USP19: variants seen among roughly 807,000 people sequenced by gnomAD.
USP19 encodes ubiquitin specific peptidase 19, also known as ubiquitin carboxyl-terminal hydrolase 19.
USP19 carries 40 observed loss-of-function variants against 144.8 expected under a neutral mutation model. The observed-to-expected ratio is 0.28, with a 90% confidence interval of 0.21 to 0.36. The LOEUF is 0.36. Ranked by LOEUF, USP19 falls within the 10% of genes least tolerant of loss-of-function variation. The probability of loss-of-function intolerance (pLI) is 1.00; values close to 1 mark genes in which losing one functional copy is unlikely to be tolerated. For synonymous variants in USP19, 701 were observed against 709.3 expected (o/e 0.99, Z 0.19); for missense variants, 1,518 against 1,822.5 (o/e 0.83, Z 3.04).
intron 2 of USP19, 43 bp downstream of exon 2, chr3:49,118,979 G>T: frequency 6.2e-7 from 1 of 1,612,988 alleles, no homozygotes; most frequent in Non-Finnish European, 8.5e-7. Context: ...AATAAGATGG[G>T]AGGCAGAGAA....
Position 49,114,396 on chromosome 3 carries a change from A to T in USP19, c.2293-112T>A, listed in dbSNP as rs1180129375. ...GATGGCTCTCAGGGCCCCCACAGCC[A>T]ACCAGCAAACTCTCAGGCTTCAGGA... On this transcript the variant is annotated intron_variant, in intron 15 of 26. Coordinates refer to ENST00000417901, the MANE Select transcript of USP19 (RefSeq NM_001199161.2). This position sits in a 1 kb window ranked among gnomAD's most constrained non-coding sequence, Gnocchi z 4.5. 2.1e-6 allele frequency: 2 copies of T among 940,678 alleles called. No individual in the cohort carries two copies. Among genetic ancestry groups the T allele is most frequent in the Non-Finnish European group, 3.2e-6 (2 of 617,050 alleles). 58.3% of individuals were successfully genotyped at this position (940,678 alleles called of 1,614,324 possible).
Position 49,111,993 on chromosome 3 carries a change from T to C in USP19, c.2821A>G (p.Ile941Val), listed in dbSNP as rs1560001572. The part of the protein sequence containing the change: ...DHKGLCRPEN[I>V]GYPFLVSVPA... ...ACACTGACCAGGAAGGGGTAGCCAATGTTCTCAGGTCGGCAGAGGCCCTTG... is the reference window on the plus strand; with the variant it reads ...ACACTGACCAGGAAGGGGTAGCCAACGTTCTCAGGTCGGCAGAGGCCCTTG... The change falls in exon 20 of 27, where the codon ATT (isoleucine) becomes GTT (valine). Residue 941 changes from isoleucine to valine, a missense_variant. Transcript: ENST00000417901. The surrounding 1 kb of genome is among the most constrained non-coding windows in gnomAD (Gnocchi z 5.9). 1 of 1,614,082 alleles carries C rather than the reference T, an allele frequency of 6.2e-7. No individual in the cohort carries two copies. The highest frequency in any genetic ancestry group is 8.5e-7 in the Non-Finnish European group (1 of 1,180,026).
chr3:49,108,953 CGA>C lies in USP19; in HGVS notation c.4039-427_4039-426del. ...CCAGCTCACAGCAGCTGCCTGCAGG[CGA>C]GCTCATCTCCAGCGACTCTGGGATA... On this transcript the variant is annotated intron_variant, in intron 26 of 26. Transcript: ENST00000417901. The surrounding 1 kb of genome is among the most constrained non-coding windows in gnomAD (Gnocchi z 4.8). The C allele has an allele frequency of 6.2e-7, 1 of 1,604,852 alleles. No individual in the cohort carries two copies. The highest frequency in any genetic ancestry group is 1.1e-5 in the South Asian group (1 of 89,898).
chr3:49,112,592 G>T lies in USP19; in HGVS notation c.2543C>A (p.Ser848Tyr), dbSNP rs757797767. 1.2e-6 allele frequency: 2 copies of T among 1,614,066 alleles called. No homozygotes were observed. The highest frequency in any genetic ancestry group is 3.3e-5 in the Admixed American group (2 of 60,014). Residue 848 changes from serine to tyrosine, a missense_variant, in exon 18 of 27, where the codon TCC becomes TAC. Ser to Tyr is a moderately radical substitution (Grantham distance 144). Coordinates refer to ENST00000417901, the MANE Select transcript of USP19 (RefSeq NM_001199161.2). This position sits in a 1 kb window ranked among gnomAD's most constrained non-coding sequence, Gnocchi z 4.9. ...KNRFHRVFLP[S>Y]HSLDTVSPSD... ...TGGGGACACAGTGTCCAGTGAGTGG[G>T]AGGGTAGGAACACACGATGAAAACG...
Position 49,111,553 on chromosome 3 carries a change from C to T in USP19, c.3164G>A (p.Gly1055Glu). 6.2e-7 allele frequency: 1 copy of T among 1,612,810 alleles called. No individual in the cohort carries two copies. Residue 1055 changes from glycine to glutamate, a missense_variant, in exon 21 of 27, where the codon GGG (glycine) becomes GAG (glutamate). Gly to Glu is a moderately conservative substitution (Grantham distance 98, BLOSUM62 -2). Transcript: ENST00000417901. The surrounding 1 kb of genome is among the most constrained non-coding windows in gnomAD (Gnocchi z 5.9). ...SGISSEMLAS[G>E]PIEVGSLPAG... ...TGGCAAGGAGCCAACCTCAATGGGC[C>T]CACTGGCCAGCATCTCAGAAGAAAT...
At position 49,111,523 on chromosome 3, in the gene USP19, C is replaced by T. The variant is rs1402265762; in HGVS notation, c.3194G>A (p.Gly1065Asp). ...GPIEVGSLPAGERVSRPEAAV... is the reference protein window; with the variant it reads ...GPIEVGSLPADERVSRPEAAV... ...ACCTTCGGGTCGGGACACCCTCTCG[C>T]CAGCTGGCAAGGAGCCAACCTCAAT... Residue 1065 changes from glycine (G) to aspartate (D), a missense_variant, in exon 21 of 27, where the codon GGC becomes GAC. By Grantham distance (94) the Gly-to-Asp change is moderately conservative. This residue lies in a region of USP19 where 413 missense variants were observed against 515.8 expected (regional missense o/e 0.80). Transcript: ENST00000417901. The surrounding 1 kb of genome is among the most constrained non-coding windows in gnomAD (Gnocchi z 5.9). The T allele has an allele frequency of 4.3e-6, 7 of 1,611,898 alleles. No individual in the cohort carries two copies. Among genetic ancestry groups the T allele is most frequent in the Non-Finnish European group, 5.9e-6 (7 of 1,179,976 alleles).
Position 49,111,068 on chromosome 3 carries a change from G to A in USP19, c.3427C>T (p.Leu1143=), listed in dbSNP as rs767832648. Residue 1143 remains leucine, a synonymous_variant, in exon 23 of 27, where the codon CTG becomes TTG. Transcript: ENST00000417901. This position sits in a 1 kb window ranked among gnomAD's most constrained non-coding sequence, Gnocchi z 5.9. ...GAGCCTGGATCCTCAGCACATTCCA[G>A]CTCCTTGGAGGCTACCAACACAAAC... is the stretch of plus-strand genomic sequence containing the variant. The part of the protein sequence containing the change: ...QEFVLVASKE[L]ECAEDPGSAG... 1.2e-6 allele frequency: 2 copies of A among 1,613,900 alleles called. No individual in the cohort carries two copies. The highest frequency in any genetic ancestry group is 1.7e-6 in the Non-Finnish European group (2 of 1,180,040).
chr3:49,110,535 A>G lies in USP19; in HGVS notation c.3768T>C (p.Ala1256=). 6.2e-7 allele frequency: 1 copy of G among 1,614,148 alleles called. No individual in the cohort carries two copies. The highest frequency in any genetic ancestry group is 2.2e-5 in the East Asian group (1 of 44,882). The change falls in exon 25 of 27, where the codon GCT becomes GCC. Residue 1256 remains alanine (A), a synonymous_variant. Transcript: ENST00000417901. This position sits in a 1 kb window ranked among gnomAD's most constrained non-coding sequence, Gnocchi z 6.1. The stretch of plus-strand genomic sequence containing the variant: ...TCATGCCTCCATAGTGGTTGATGAC[A>G]GCATATAGATCGTAGCTGGGCAGCT... ...EEQLPSYDLY[A]VINHYGGMIG...
In USP19 at chr3:49,110,452, C is replaced by G. The variant is rs2042979926; in HGVS notation, c.3851G>C (p.Ser1284Thr). 4.3e-6 allele frequency: 7 copies of G among 1,613,960 alleles called. No homozygotes were observed. The highest frequency in any genetic ancestry group is 5.9e-6 in the Non-Finnish European group (7 of 1,179,994). ...GCTGTGTGTGCCCTCACCCACGTCA[C>G]TGCGCTGACTGCTACGATCATTGGG... is the stretch of plus-strand genomic sequence containing the variant. ...RLPNDRSSQRSDVGWRLFDDS... is the reference protein window; with the variant it reads ...RLPNDRSSQRTDVGWRLFDDS... Residue 1284 changes from serine to threonine, a missense_variant, in exon 25 of 27, where the codon AGT becomes ACT. This residue lies in a region of USP19 where 122 missense variants were observed against 200.4 expected (regional missense o/e 0.61). Coordinates refer to ENST00000417901, the MANE Select transcript of USP19 (RefSeq NM_001199161.2). This position sits in a 1 kb window ranked among gnomAD's most constrained non-coding sequence, Gnocchi z 6.1.
In USP19 at chr3:49,116,473, A is replaced by C. The variant is rs2044152672; in HGVS notation, c.1261T>G (p.Phe421Val). 6.2e-7 allele frequency: 1 copy of C among 1,614,104 alleles called. No individual in the cohort carries two copies. Among genetic ancestry groups the C allele is most frequent in the African/African-American group, 1.3e-5 (1 of 74,930 alleles). The change falls in exon 8 of 27, where the codon TTC (phenylalanine) becomes GTC (valine). Residue 421 changes from phenylalanine to valine, a missense_variant. Physicochemically the swap from Phe to Val is conservative, Grantham distance 50. Around this residue, in one of 5 missense-constraint regions of USP19, gnomAD observed 707 missense variants for 728.9 expected, o/e 0.97. Transcript: ENST00000417901. This position sits in a 1 kb window ranked among gnomAD's most constrained non-coding sequence, Gnocchi z 5.0. ...TSRVLFREQDFTLIFQTRDGN... is the reference protein window; with the variant it reads ...TSRVLFREQDVTLIFQTRDGN... Reference sequence around the variant, plus strand: ...CACCTGGTCTGGAAGATGAGCGTGAAGTCCTGCTCACGGAAAAGTACTCTT... The same window carrying C: ...CACCTGGTCTGGAAGATGAGCGTGACGTCCTGCTCACGGAAAAGTACTCTT...
At position 49,112,085 on chromosome 3, in the gene USP19, C is replaced by T. The variant is rs1162310575; in HGVS notation, c.2766-37G>A. The T allele has an allele frequency of 2.5e-6, 4 of 1,609,338 alleles. No individual in the cohort carries two copies. Among genetic ancestry groups the T allele is most frequent in the South Asian group, 1.1e-5 (1 of 90,462 alleles). On this transcript the variant is annotated intron_variant, in intron 19 of 26. Transcript: ENST00000417901. This position sits in a 1 kb window ranked among gnomAD's most constrained non-coding sequence, Gnocchi z 4.9. Reference sequence around the variant, plus strand: ...AGGAAGACAAGGATAGGCCCTTAGCCCCATCTCCTATGACTCCATACTGGG... The same window carrying T: ...AGGAAGACAAGGATAGGCCCTTAGCTCCATCTCCTATGACTCCATACTGGG...
rs748538179 is a variant in USP19 at position 49,111,026 on chromosome 3, G to C, written c.3469C>G (p.Arg1157Gly). The C allele has an allele frequency of 6.2e-7, 1 of 1,613,998 alleles. No homozygotes were observed. The highest frequency in any genetic ancestry group is 8.5e-7 in the Non-Finnish European group (1 of 1,180,016). ...TGGTCCAGGGTGAAGTGGCCGGCCC[G>C]GGCAGCCTCACCGGCAGAGCCTGGA... ...EDPGSAGEAARAGHFTLDQCL... is the reference protein window; with the variant it reads ...EDPGSAGEAAGAGHFTLDQCL... The change falls in exon 23 of 27, where the codon CGG becomes GGG. Residue 1157 changes from arginine (R) to glycine (G), a missense_variant. By Grantham distance (125) the Arg-to-Gly change is moderately radical. Transcript: ENST00000417901. The surrounding 1 kb of genome is among the most constrained non-coding windows in gnomAD (Gnocchi z 5.9).
chr3:49,115,058 C>T lies in USP19; in HGVS notation c.2082G>A (p.Glu694=), dbSNP rs1211133687. ...FTGYAQHDAQ[E]FMAFLLDGLH... ...GCCCATCCAGCAGGAAAGCCATGAA[C>T]TCCTGGGCATCATGCTGTGCATAGC... Residue 694 remains glutamate (E), a synonymous_variant, in exon 14 of 27, where the codon GAG becomes GAA. Coordinates refer to ENST00000417901, the MANE Select transcript of USP19 (RefSeq NM_001199161.2). This position sits in a 1 kb window ranked among gnomAD's most constrained non-coding sequence, Gnocchi z 6.6. 5.0e-6 allele frequency: 8 copies of T among 1,614,100 alleles called. No individual in the cohort carries two copies. The highest frequency in any genetic ancestry group is 1.3e-5 in the African/African-American group (1 of 74,936).
In USP19 at chr3:49,117,617, G is replaced by T; in HGVS notation, c.472+40C>A. ...TGAGGTAGGATAGGAGATATCAGAA[G>T]ATTCAAACATACTACTGTGCTCAGG... On this transcript the variant is annotated intron_variant, in intron 4 of 26. Coordinates refer to ENST00000417901, the MANE Select transcript of USP19 (RefSeq NM_001199161.2). The surrounding 1 kb of genome is among the most constrained non-coding windows in gnomAD (Gnocchi z 4.4). 6.2e-7 allele frequency: 1 copy of T among 1,614,082 alleles called. No homozygotes were observed. The highest frequency in any genetic ancestry group is 8.5e-7 in the Non-Finnish European group (1 of 1,179,958).
In USP19 at chr3:49,110,063, T is replaced by C. The variant is rs1430396842; in HGVS notation, c.4038+121A>G. 7.4e-6 allele frequency: 9 copies of C among 1,223,438 alleles called. No individual in the cohort carries two copies. Among genetic ancestry groups the C allele is most frequent in the Non-Finnish European group, 9.8e-6 (9 of 922,590 alleles). 75.8% of individuals were successfully genotyped at this position (1,223,438 alleles called of 1,614,324 possible). A position where few individuals can be genotyped will look rare whatever the true frequency, so the allele number is the denominator to read the frequency against. On this transcript the variant is annotated intron_variant, in intron 26 of 26. Transcript: ENST00000417901. This position sits in a 1 kb window ranked among gnomAD's most constrained non-coding sequence, Gnocchi z 6.1. The stretch of plus-strand genomic sequence containing the variant: ...CTTTGATGTTAAGAGAACTCTGCAA[T>C]TCTCATGAATCCCAAGGCTCAATGG...
Position 49,111,205 on chromosome 3 carries a change from G to C in USP19, c.3329-39C>G, listed in dbSNP as rs2043099598. ...GGGAGAGAGGTCATGCAGCTGTGGA[G>C]AACAGCCAGCTCAACCCACCCCATG... is the stretch of plus-strand genomic sequence containing the variant. On this transcript the variant is annotated intron_variant, in intron 22 of 26. Transcript: ENST00000417901. The surrounding 1 kb of genome is among the most constrained non-coding windows in gnomAD (Gnocchi z 5.9). 6 of 1,613,904 alleles carry C rather than the reference G, an allele frequency of 3.7e-6. No individual in the cohort carries two copies. Among genetic ancestry groups the C allele is most frequent in the African/African-American group, 1.3e-5 (1 of 74,906 alleles).
In USP19 at chr3:49,112,129, G is replaced by A. The variant is rs2043259106; in HGVS notation, c.2766-81C>T. The A allele has an allele frequency of 6.4e-7, 1 of 1,573,796 alleles. No homozygotes were observed. Among genetic ancestry groups the A allele is most frequent in the East Asian group, 2.3e-5 (1 of 44,006 alleles). On this transcript the variant is annotated intron_variant, in intron 19 of 26. Transcript: ENST00000417901. The surrounding 1 kb of genome is among the most constrained non-coding windows in gnomAD (Gnocchi z 4.9). ...TACTGGGGGCTAGTCATAGTCCCTG[G>A]GAACTGGGTACGCCAGCCCTGCCTC...
rs1306202203 is a variant in USP19, at chr3:49,114,302, G to A, written c.2293-18C>T. On this transcript the variant is annotated intron_variant, in intron 15 of 26. Transcript: ENST00000417901. This position sits in a 1 kb window ranked among gnomAD's most constrained non-coding sequence, Gnocchi z 4.5. ...ATGGAGACCTGTGGATGTAGAGGTG[G>A]CACTGGGTAGCTGCACACAGAGTGG... The A allele has an allele frequency of 6.2e-7, 1 of 1,607,570 alleles. No homozygotes were observed. The highest frequency in any genetic ancestry group is 1.1e-5 in the South Asian group (1 of 90,896).
chr3:49,109,868 A>C, intron 26 of USP19: 1 of 213,180 alleles, frequency 4.7e-6, no homozygotes, highest in Non-Finnish European at 9.2e-6. Context: ...TGCAGAGGAA[A>C]TCTAGGAGAG....
Sources: gnomAD v4.1 joint callset for allele counts on GRCh38, gnomAD v4.1.1 for gene constraint, gnomAD v4.1.1 regional missense constraint, Gnocchi (gnomAD v3.1) non-coding constraint, MANE v1.5 for transcripts, NCBI Gene and HGNC (gene_info 2026-07-23, HGNC 2026-07-21) for gene names.